The following SMAD3 variants were observed in gnomAD, a reference collection of about 807,000 sequenced individuals.
SMAD3 encodes the protein MAD homolog 3.
A neutral mutation model predicts 51.8 loss-of-function variants in SMAD3; 12 were observed. That is an observed-to-expected ratio of 0.23 (90% CI 0.15 to 0.38). The LOEUF is 0.38. Among genes scored for constraint, SMAD3 ranks in the 10% least tolerant of loss-of-function variants. The pLI, the probability that SMAD3 is intolerant of heterozygous loss-of-function variation, is 1.00. For synonymous variants in SMAD3, 238 were observed against 227.7 expected (o/e 1.05, Z -0.41); for missense variants, 294 against 565.6 (o/e 0.52, Z 4.87).
At chr15:67,171,059 A>G (rs1962738552) in intron 5 of SMAD3, among the ~76,000 whole-genome samples, 1 of 152,194 alleles carries the variant, frequency 6.6e-6, no homozygotes, top group Non-Finnish European at 1.5e-5. Flanking sequence ...CATATACGGA[A>G]TTTGAAAATA....
intron 1 of SMAD3, among the ~76,000 whole-genome samples, chr15:67,147,460 A>AT (rs1472933679): frequency 6.6e-6 from 1 of 152,116 alleles, no homozygotes; most frequent in African/African-American, 2.4e-5. Context: ...TAGAAAAAAA[A>AT]CAACATAGGA....
In SMAD3 at chr15:67,165,295, C is replaced by T. The variant is rs2140294801; in HGVS notation, c.443C>T (p.Ala148Val). The change falls in exon 3 of 9, where the codon GCC (alanine) becomes GTC (valine). Residue 148 changes from alanine to valine, a missense_variant. By Grantham distance (64) the Ala-to-Val change is moderately conservative. Coordinates refer to ENST00000327367, the MANE Select transcript of SMAD3 (RefSeq NM_005902.4). The part of the protein sequence containing the change: ...VLVPRHTEIP[A>V]EFPPLDDYSH... ...GTGCCACGCCACACAGAGATCCCGGCCGAGTTCCCCCCACTGGACGACTAC... is the reference window on the plus strand; with the variant it reads ...GTGCCACGCCACACAGAGATCCCGGTCGAGTTCCCCCCACTGGACGACTAC... 1 of 1,614,214 alleles carries T rather than the reference C, an allele frequency of 6.2e-7. No homozygotes were observed.
chr15:67,093,131 C>A (rs1465841), intron 1 of SMAD3, among the ~76,000 whole-genome samples: 2 of 151,994 alleles, frequency 1.3e-5, no homozygotes, highest in African/African-American at 4.8e-5. Flanking sequence ...CATGTCTAGC[C>A]ACTTGTTAGA....
intron 1 of SMAD3, among the ~76,000 whole-genome samples, chr15:67,112,643 A>G (rs1183362655): frequency 1.5e-5 from 2 of 133,498 alleles, no homozygotes; most frequent in Non-Finnish European, 3.1e-5. Flanking sequence ...AAAGTTTTTA[A>G]TTCTGATGAA....
chr15:67,162,003 G>A (rs1962445009), intron 1 of SMAD3, among the ~76,000 whole-genome samples: 1 of 152,102 alleles, frequency 6.6e-6, no homozygotes, highest in South Asian at 2.1e-4. Context: ...CAGCTGTAGG[G>A]CTTCCTTGTT....
chr15:67,139,983 G>A (rs894123157), intron 1 of SMAD3, among the ~76,000 whole-genome samples: 4 of 152,120 alleles, frequency 2.6e-5, no homozygotes, highest in African/African-American at 9.7e-5. Context: ...TTAGCCAGGT[G>A]TGGTGGCACA....
chr15:67,166,931 C>A, intron 4 of SMAD3, 78 bp downstream of exon 4: 1 of 1,100,600 alleles, frequency 9.1e-7, no homozygotes, highest in Non-Finnish European at 1.4e-6. Context: ...CCTTCCTCTT[C>A]GCCCTCTCCC....
At chr15:67,084,894 T>C (rs1960356711) in intron 1 of SMAD3, among the ~76,000 whole-genome samples, 1 of 152,186 alleles carries the variant, frequency 6.6e-6, no homozygotes, top group African/African-American at 2.4e-5. Context: ...CTCTCTCTTA[T>C]CCGTAAGAAA....
intron 1 of SMAD3, among the ~76,000 whole-genome samples, chr15:67,159,869 T>C (rs1962381062): frequency 6.6e-6 from 1 of 152,248 alleles, no homozygotes; most frequent in Non-Finnish European, 1.5e-5. Flanking sequence ...GATCCTTTTT[T>C]GTTACTGAGT....
At chr15:67,180,539 C>G (rs1298193070) in intron 5 of SMAD3, among the ~76,000 whole-genome samples, 1 of 148,282 alleles carries the variant, frequency 6.7e-6, no homozygotes, top group African/African-American at 2.5e-5. Flanking sequence ...CCCCAACAGC[C>G]GGCATCTAGA....
intron 1 of SMAD3, among the ~76,000 whole-genome samples, chr15:67,132,215 G>C (rs1049620626): frequency 1.3e-5 from 2 of 152,188 alleles, no homozygotes; most frequent in African/African-American, 2.4e-5. Context: ...GTAGAGACCT[G>C]AGGATGTGTC....
In SMAD3 at chr15:67,098,858, G is replaced by A. The variant is rs77725250; in HGVS notation, c.206+32498G>A. ...CTCAGCTGGGGGATTTGGGGACGGT[G>A]GGAGGGCATACATGGATGGGAGGGT... On this transcript the variant is annotated intron_variant, in intron 1 of 8. Transcript: ENST00000327367. 5.7e-6 allele frequency: 4 copies of A among 701,258 alleles called. No individual in the cohort carries two copies. In the Admixed American group the frequency reaches 8.0e-5, roughly 14 times the overall value. The allele number at this position is 701,258 out of a possible 1,614,324, so 43.4% of individuals were successfully genotyped here. A position where few individuals can be genotyped will look rare whatever the true frequency, so the allele number is the denominator to read the frequency against.
intron 1 of SMAD3, among the ~76,000 whole-genome samples, chr15:67,161,808 C>T (rs1962439201): frequency 6.6e-6 from 1 of 152,108 alleles, no homozygotes; most frequent in African/African-American, 2.4e-5. Context: ...GCAGAATACC[C>T]CATTTTATAG....
intron 1 of SMAD3, among the ~76,000 whole-genome samples, chr15:67,082,773 C>CA (rs1451274804): frequency 6.6e-6 from 1 of 152,184 alleles, no homozygotes; most frequent in Non-Finnish European, 1.5e-5. Context: ...TCAGAGAAAA[C>CA]AGAGCCTGTC....
In SMAD3 at chr15:67,182,999, AAAT is replaced by A. The variant is rs1307397102; in HGVS notation, c.871+1548_871+1550del. 4.3e-3 allele frequency among the ~76,000 whole-genome samples: 216 copies of A among 50,218 alleles called. 1 individual carries two copies. Among genetic ancestry groups the A allele is most frequent in the Non-Finnish European group, 5.8e-3 (170 of 29,386 alleles). 32.9% of individuals were successfully genotyped at this position (50,218 alleles called of 152,430 possible). A position where few individuals can be genotyped will look rare whatever the true frequency, so the allele number is the denominator to read the frequency against. ...TCTATATTTTATTAAAAAAAAAAAA[AAAT>A]ATATATATATATATATATATATATA... On this transcript the variant is annotated intron_variant, in intron 6 of 8. Transcript: ENST00000327367.
At chr15:67,118,556 A>G (rs747203734) in intron 1 of SMAD3, among the ~76,000 whole-genome samples, 4 of 152,170 alleles carry the variant, frequency 2.6e-5, no homozygotes, top group South Asian at 2.1e-4. Context: ...AGAGATCACT[A>G]TTGTCACGGA....
At chr15:67,095,427 T>A (rs941455747) in intron 1 of SMAD3, among the ~76,000 whole-genome samples, 1 of 152,142 alleles carries the variant, frequency 6.6e-6, no homozygotes, top group Non-Finnish European at 1.5e-5. Context: ...GAGCCTGTCC[T>A]TACACAGGTG....
In SMAD3 at chr15:67,157,533, A is replaced by G. The variant is rs866580391; in HGVS notation, c.207-7362A>G. Among the ~76,000 whole-genome samples, 4 of 152,214 alleles carry G rather than the reference A, an allele frequency of 2.6e-5. No individual in the cohort carries two copies. The South Asian group carries it at 8.3e-4, about 32-fold the overall frequency. Reference sequence around the variant, plus strand: ...TGCCGTTTCTGCGTGCTCACATAGCAGTCGTGTGCCTGGCACGTAGTTCAT... The same window carrying G: ...TGCCGTTTCTGCGTGCTCACATAGCGGTCGTGTGCCTGGCACGTAGTTCAT... On this transcript the variant is annotated intron_variant, in intron 1 of 8. Coordinates refer to ENST00000327367, the MANE Select transcript of SMAD3 (RefSeq NM_005902.4).
At chr15:67,113,958 A>T (rs2140237085) in intron 1 of SMAD3, among the ~76,000 whole-genome samples, 1 of 152,320 alleles carries the variant, frequency 6.6e-6, no homozygotes, top group South Asian at 2.1e-4. Context: ...ATTCTTTGGC[A>T]GCATTTCTGC....
Sources: allele counts gnomAD v4.1 joint callset (sites outside exome capture counted in the v4.1 genomes callset), GRCh38; gene constraint gnomAD v4.1.1; transcripts MANE v1.5; gene names NCBI Gene and HGNC (gene_info 2026-07-23, HGNC 2026-07-21).